Variants in LINGO2 observed in about 807,000 individuals in gnomAD.
LINGO2 encodes the protein leucine-rich repeat and immunoglobulin-like domain-containing nogo receptor-interacting protein 2.
In LINGO2, 14 loss-of-function variants were observed where a neutral mutation model predicts 30.6. The ratio of observed to expected loss-of-function variants is 0.46; its 90% confidence interval spans 0.30 to 0.72. The LOEUF (loss-of-function observed/expected upper bound fraction) is 0.72, where lower values mean the gene tolerates loss of function less well. LINGO2 is among the 30% of genes least tolerant of loss of function. The probability of loss-of-function intolerance (pLI) is 0.07; values close to 1 mark genes in which losing one functional copy is unlikely to be tolerated. For missense variants in LINGO2, 729 were observed against 751.7 expected (o/e 0.97, Z 0.35); for synonymous variants, 317 against 288.5 (o/e 1.10, Z -1.00).
chr9:28,497,813 T>C (rs577724225), intron 1 of LINGO2, among the ~76,000 whole-genome samples: 1 of 152,160 alleles, frequency 6.6e-6, no homozygotes, highest in African/African-American at 2.4e-5. Flanking sequence ...TCTTTGATGA[T>C]GGTGATGTAC....
chr9:28,575,164 G>T (rs973792702), intron 1 of LINGO2, among the ~76,000 whole-genome samples: 3 of 152,060 alleles, frequency 2.0e-5, no homozygotes, highest in Admixed American at 6.6e-5. Context: ...AGCACTTTGG[G>T]AGGCCGAGGC....
At chr9:28,526,055 C>CAAAAAAAAAAA (rs58629857) in intron 1 of LINGO2, among the ~76,000 whole-genome samples, 3,798 of 48,442 alleles carry the variant, frequency 0.078, 867 homozygotes, top group East Asian at 0.13. Flanking sequence ...GACTCCGTCT[C>CAAAAAAAAAAA]AAAAAAAAAA....
the LINGO2 span, among the ~76,000 whole-genome samples, chr9:28,679,504 C>T: frequency 2.0e-5 from 3 of 152,066 alleles, no homozygotes; most frequent in Non-Finnish European, 4.4e-5. Context: ...CCTAGAGTTC[C>T]TAGCCCTTAA....
At chr9:29,030,789 G>T in the LINGO2 span, among the ~76,000 whole-genome samples, 1 of 152,090 alleles carries the variant, frequency 6.6e-6, no homozygotes, top group Admixed American at 6.6e-5. Context: ...TTGAGACTGG[G>T]TGCATTACCT....
At chr9:28,398,094 A>G (rs2134728605) in intron 2 of LINGO2, among the ~76,000 whole-genome samples, 1 of 152,326 alleles carries the variant, frequency 6.6e-6, no homozygotes, top group South Asian at 2.1e-4. Context: ...TTGGGAACTG[A>G]GACAGAAAAG....
chr9:28,732,297 C>A, the LINGO2 span, among the ~76,000 whole-genome samples: 1 of 151,620 alleles, frequency 6.6e-6, no homozygotes, highest in Admixed American at 6.6e-5. Flanking sequence ...AGACTTTTGC[C>A]AACCCAGATG....
chr9:28,211,933 T>C (rs1820606540), intron 4 of LINGO2, among the ~76,000 whole-genome samples: 1 of 151,408 alleles, frequency 6.6e-6, no homozygotes, highest in African/African-American at 2.4e-5. Context: ...GCTTAATTTT[T>C]TTTTTTATCG....
the LINGO2 span, among the ~76,000 whole-genome samples, chr9:28,849,114 A>G: frequency 6.6e-6 from 1 of 152,138 alleles, no homozygotes; most frequent in South Asian, 2.1e-4. Flanking sequence ...CTAGAGTTCT[A>G]TGTGTAGATC....
the LINGO2 span, among the ~76,000 whole-genome samples, chr9:28,713,032 A>AT: frequency 6.6e-6 from 1 of 151,758 alleles, no homozygotes. Flanking sequence ...CGCCCGGCTG[A>AT]TTTTTGTATT....
the LINGO2 span, among the ~76,000 whole-genome samples, chr9:28,814,280 T>C: frequency 1.3e-5 from 2 of 151,950 alleles, no homozygotes; most frequent in African/African-American, 4.8e-5. Context: ...CTACTAAAAA[T>C]ACAAAAATTA....
exon 6 of LINGO2, chr9:27,949,710 C>A: frequency 6.2e-7 from 1 of 1,614,130 alleles, no homozygotes; most frequent in African/African-American, 1.3e-5. Flanking sequence ...GCGTAGGAAG[C>A]GGAGCCCTTG....
At chr9:29,144,275 G>A in the LINGO2 span, among the ~76,000 whole-genome samples, 1 of 151,820 alleles carries the variant, frequency 6.6e-6, no homozygotes, top group South Asian at 2.1e-4. Context: ...TTTTAAAATA[G>A]CTTTTTTAAA....
At chr9:28,372,958 C>G (rs1554712766) in intron 2 of LINGO2, 90 bp from the exon 5 acceptor site, 1 of 151,986 alleles carries the variant, frequency 6.6e-6, no homozygotes, top group East Asian at 1.9e-4. Flanking sequence ...TTCTTTATTT[C>G]TTTTAACTTT....
chr9:29,155,442 C>T, the LINGO2 span, among the ~76,000 whole-genome samples: 3 of 152,064 alleles, frequency 2.0e-5, no homozygotes, highest in South Asian at 4.1e-4. Context: ...TAATCATGAA[C>T]TATACTGACT....
intron 3 of LINGO2, among the ~76,000 whole-genome samples, chr9:28,300,416 T>C (rs1231706096): frequency 1.3e-5 from 2 of 152,248 alleles, no homozygotes; most frequent in African/African-American, 2.4e-5. Context: ...CAAGCACAAT[T>C]CTCTTTGTTT....
chr9:28,305,135 A>T (rs1824294198), intron 3 of LINGO2, among the ~76,000 whole-genome samples: 1 of 152,086 alleles, frequency 6.6e-6, no homozygotes, highest in Non-Finnish European at 1.5e-5. Context: ...CCATATGATC[A>T]TCTCAATTGA....
chr9:29,170,144 T>C, the LINGO2 span, among the ~76,000 whole-genome samples: 7 of 152,188 alleles, frequency 4.6e-5, no homozygotes, highest in African/African-American at 1.2e-4. Flanking sequence ...AAAAGACACC[T>C]GCATTCATAA....
intron 1 of LINGO2, among the ~76,000 whole-genome samples, chr9:28,586,383 T>G (rs1563844045): frequency 6.6e-6 from 1 of 152,170 alleles, no homozygotes; most frequent in East Asian, 1.9e-4. Context: ...TTTTATAGTT[T>G]ATTAATTTTA....
the LINGO2 span, among the ~76,000 whole-genome samples, chr9:29,012,096 G>A: frequency 1.3e-5 from 2 of 152,112 alleles, no homozygotes; most frequent in East Asian, 1.9e-4. Flanking sequence ...GGTGGCTCAC[G>A]TCTGTAATCC....
Sources: allele counts gnomAD v4.1 joint callset (sites outside exome capture counted in the v4.1 genomes callset), GRCh38; gene constraint gnomAD v4.1.1; transcripts MANE v1.5; gene names NCBI Gene and HGNC (gene_info 2026-07-23, HGNC 2026-07-21).